ABCA13: variants seen among roughly 807,000 people sequenced by gnomAD.
The protein encoded by ABCA13 is ATP-binding cassette sub-family A member 13.
A neutral mutation model predicts 478.7 loss-of-function variants in ABCA13; 476 were observed. The ratio of observed to expected loss-of-function variants is 0.99; its 90% CI spans 0.92 to 1.07. The LOEUF (loss-of-function observed/expected upper bound fraction) is 1.07, where lower values mean the gene tolerates loss of function less well. Among genes scored for constraint, ABCA13 ranks in the 50% least tolerant of loss-of-function variants. The pLI is 0.00. For missense variants in ABCA13, 6,060 were observed against 5,910.6 expected, an observed-to-expected ratio of 1.03 and a Z score of -0.83; for synonymous variants, 2,252 against 2,158.9, an observed-to-expected ratio of 1.04 and a Z score of -1.20.
chr7:48,234,632 T>G (rs966981406), intron 8 of ABCA13, among the ~76,000 whole-genome samples: 5 of 152,216 alleles, frequency 3.3e-5, no homozygotes, highest in African/African-American at 1.2e-4. Flanking sequence ...CTAGGTGAAA[T>G]AAGGGAGTTG....
intron 35 of ABCA13, among the ~76,000 whole-genome samples, chr7:48,378,477 C>T (rs1201817275): frequency 6.6e-6 from 1 of 152,168 alleles, no homozygotes; most frequent in Non-Finnish European, 1.5e-5. Flanking sequence ...AACCATGCCA[C>T]ATTTGGAACT....
intron 59 of ABCA13, among the ~76,000 whole-genome samples, chr7:48,634,285 G>C (rs755685907): frequency 1.3e-5 from 2 of 152,112 alleles, no homozygotes; most frequent in Admixed American, 6.5e-5. Flanking sequence ...GATGTCTTTG[G>C]TTTTGGTATT....
intron 54 of ABCA13, among the ~76,000 whole-genome samples, chr7:48,524,915 T>A (rs929688084): frequency 2.0e-5 from 3 of 152,184 alleles, no homozygotes; most frequent in African/African-American, 7.2e-5. Flanking sequence ...AGTTATAATG[T>A]TTAATCAGAA....
At chr7:48,644,939 C>T (rs1795342619) in intron 61 of ABCA13, among the ~76,000 whole-genome samples, 185 bp downstream of exon 61, 2 of 152,072 alleles carry the variant, frequency 1.3e-5, no homozygotes, top group African/African-American at 4.8e-5. Context: ...TACCCTTCTA[C>T]TTAAGATAGA....
chr7:48,406,403 G>C (rs2129080986), intron 39 of ABCA13, among the ~76,000 whole-genome samples: 1 of 152,298 alleles, frequency 6.6e-6, no homozygotes, highest in South Asian at 2.1e-4. Context: ...GGGCACAGTT[G>C]TATGTGAAAG....
intron 60 of ABCA13, among the ~76,000 whole-genome samples, chr7:48,643,944 T>C (rs897923025): frequency 6.6e-6 from 1 of 152,320 alleles, no homozygotes; most frequent in Non-Finnish European, 1.5e-5. Context: ...CGGAGATTCC[T>C]ATGAACACTG....
rs145141775 is a variant in ABCA13 at position 48,208,515 on chromosome 7, T to A, written c.287+10155T>A. Reference sequence around the variant, plus strand: ...GTTTTATAGTTTTCATTGCAAGGATTTTTTGCTTTTTTGGTTAGGTTTATT... The same window carrying A: ...GTTTTATAGTTTTCATTGCAAGGATATTTTGCTTTTTTGGTTAGGTTTATT... On this transcript the variant is annotated intron_variant, in intron 3 of 61. Coordinates refer to ENST00000435803, the MANE Select transcript of ABCA13 (RefSeq NM_152701.5). Among the ~76,000 whole-genome samples the A allele has an allele frequency of 2.6e-4, 39 of 151,730 alleles. 2 individuals are homozygous for A. The highest frequency in any genetic ancestry group is 9.2e-4 in the African/African-American group (38 of 41,174).
At chr7:48,261,460 AC>A (rs1032888617) in intron 15 of ABCA13, among the ~76,000 whole-genome samples, 1 of 151,774 alleles carries the variant, frequency 6.6e-6, no homozygotes, top group African/African-American at 2.4e-5. Context: ...GTAATTTCAA[AC>A]CCTGCCTTGT....
chr7:48,486,435 C>A (rs186080936), intron 47 of ABCA13, among the ~76,000 whole-genome samples: 2 of 152,130 alleles, frequency 1.3e-5, no homozygotes, highest in Non-Finnish European at 2.9e-5. Flanking sequence ...CTGTAATATG[C>A]GTCACCCTTT....
chr7:48,294,535 T>C (rs892986085), intron 20 of ABCA13, among the ~76,000 whole-genome samples: 5 of 150,448 alleles, frequency 3.3e-5, no homozygotes, highest in African/African-American at 4.9e-5. Context: ...CAAGCTCCGC[T>C]TCCCGGGTTC....
At chr7:48,394,999 G>A (rs1430442934) in intron 38 of ABCA13, among the ~76,000 whole-genome samples, 1 of 152,192 alleles carries the variant, frequency 6.6e-6, no homozygotes, top group Non-Finnish European at 1.5e-5. Flanking sequence ...GGATGAGTAA[G>A]GATGAACTGG....
In ABCA13 at chr7:48,467,044, C is replaced by G; in HGVS notation, c.12904C>G (p.Gln4302Glu). The G allele has an allele frequency of 6.2e-7, 1 of 1,613,860 alleles. No homozygotes were observed. Among genetic ancestry groups the G allele is most frequent in the Non-Finnish European group, 8.5e-7 (1 of 1,179,784 alleles). The change falls in exon 44 of 62, where the codon CAG becomes GAG. Residue 4302 changes from glutamine to glutamate, a missense_variant and splice_region_variant. Gln to Glu is a conservative substitution (Grantham distance 29). Coordinates refer to ENST00000435803, the MANE Select transcript of ABCA13 (RefSeq NM_152701.5). ...DLPCADLNPR[Q>E]KNSSCWRTDP... ...GCCCTGTGCAGATTTAAACCCACGCCAGTAAGTGTCAGGTGCTCTCTGCAA... is the reference window on the plus strand; with the variant it reads ...GCCCTGTGCAGATTTAAACCCACGCGAGTAAGTGTCAGGTGCTCTCTGCAA...
intron 28 of ABCA13, 72 bp downstream of exon 28, chr7:48,335,607 C>G: frequency 1.7e-6 from 2 of 1,196,436 alleles, no homozygotes; most frequent in Non-Finnish European, 2.4e-6. Flanking sequence ...TCAGGGCTGC[C>G]CTGTAGAAGA....
In ABCA13 at chr7:48,239,412, TC is replaced by T; in HGVS notation, c.1062+11del. 6.2e-7 allele frequency: 1 copy of T among 1,609,286 alleles called. No homozygotes were observed. Among genetic ancestry groups the T allele is most frequent in the Non-Finnish European group, 8.5e-7 (1 of 1,177,502 alleles). ...GCTGCGAGTCTACCAACAGGTGCTG[TC>T]CCCTCTCTCTATGTTCTGTTCAAAG... On this transcript the variant is annotated splice_region_variant and intron_variant, in intron 9 of 61. Transcript: ENST00000435803.
At chr7:48,420,524 T>C (rs1478898162) in intron 41 of ABCA13, among the ~76,000 whole-genome samples, 1 of 152,142 alleles carries the variant, frequency 6.6e-6, no homozygotes, top group African/African-American at 2.4e-5. Context: ...AGTTTTGAAG[T>C]TTTTAGTAAT....
At chr7:48,228,255 G>A (rs1412906732) in intron 6 of ABCA13, among the ~76,000 whole-genome samples, 1 of 152,160 alleles carries the variant, frequency 6.6e-6, no homozygotes, top group Admixed American at 6.5e-5. Context: ...GCTTTCCCTG[G>A]ACTGTGCCTC....
chr7:48,223,924 A>G (rs1247371026), intron 5 of ABCA13, among the ~76,000 whole-genome samples: 2 of 146,886 alleles, frequency 1.4e-5, no homozygotes, highest in Non-Finnish European at 3.0e-5. Context: ...GTGCCACTGC[A>G]CTCCAGCCTG....
intron 13 of ABCA13, among the ~76,000 whole-genome samples, chr7:48,247,409 G>A (rs187429365): frequency 2.0e-5 from 3 of 151,902 alleles, no homozygotes; most frequent in African/African-American, 7.3e-5. Flanking sequence ...AGTCTCATAC[G>A]AAGCAGGGAA....
At chr7:48,390,019 A>T (rs1196499843) in intron 37 of ABCA13, among the ~76,000 whole-genome samples, 1 of 152,218 alleles carries the variant, frequency 6.6e-6, no homozygotes, top group East Asian at 1.9e-4. Flanking sequence ...GAATATGGAC[A>T]GTTTTTATTT....
Sources: allele counts gnomAD v4.1 joint callset (sites outside exome capture counted in the v4.1 genomes callset), GRCh38; gene constraint gnomAD v4.1.1; transcripts MANE v1.5; gene names NCBI Gene and HGNC (gene_info 2026-07-23, HGNC 2026-07-21).